The following LTBP2 variants were observed in gnomAD, a reference collection of about 807,000 sequenced individuals.
The protein encoded by LTBP2 is latent-transforming growth factor beta-binding protein 2.
In LTBP2, 103 loss-of-function variants were observed where a neutral mutation model predicts 210.6. That is an observed-to-expected ratio of 0.49 (90% CI 0.42 to 0.58). LTBP2 has a LOEUF of 0.58. Ranked by LOEUF, LTBP2 falls within the 20% of genes least tolerant of loss-of-function variation. LTBP2 has a pLI of 0.00. For missense variants in LTBP2, 2,313 were observed against 2,494.5 expected, an observed-to-expected ratio of 0.93 and a Z score of 1.55; for synonymous variants, 1,007 against 1,015.0, an observed-to-expected ratio of 0.99 and a Z score of 0.15.
chr14:74,517,198 C>T (rs1020911013), intron 17 of LTBP2, among the ~76,000 whole-genome samples: 3 of 152,114 alleles, frequency 2.0e-5, no homozygotes, highest in African/African-American at 7.2e-5. Context: ...CATGGGGATC[C>T]TTACAACTGT....
chr14:74,559,100 A>C (rs773892135), intron 3 of LTBP2, among the ~76,000 whole-genome samples: 2 of 152,240 alleles, frequency 1.3e-5, no homozygotes, highest in Admixed American at 6.5e-5. Flanking sequence ...TGCAGAAACA[A>C]GGAGGAAAAA....
At chr14:74,606,381 T>C (rs980000654) in intron 1 of LTBP2, among the ~76,000 whole-genome samples, 1 of 152,240 alleles carries the variant, frequency 6.6e-6, no homozygotes, top group African/African-American at 2.4e-5. Flanking sequence ...CAGCCAAGGC[T>C]TTGCTCCTCC....
intron 3 of LTBP2, among the ~76,000 whole-genome samples, chr14:74,564,270 TA>T (rs1296983587): frequency 1.3e-5 from 1 of 74,478 alleles, no homozygotes; most frequent in Non-Finnish European, 2.3e-5. Flanking sequence ...TATTTATATA[TA>T]TTTATATATA....
chr14:74,596,378 C>T (rs2088364535), intron 2 of LTBP2, among the ~76,000 whole-genome samples: 1 of 152,132 alleles, frequency 6.6e-6, no homozygotes, highest in Admixed American at 6.5e-5. Context: ...GCAAGAGTGG[C>T]CAGGGCAGCC....
In LTBP2 at chr14:74,555,623, G is replaced by A. The variant is rs2139752634; in HGVS notation, c.901C>T (p.His301Tyr). The A allele has an allele frequency of 1.2e-6, 2 of 1,609,152 alleles. No individual in the cohort carries two copies. Among genetic ancestry groups the A allele is most frequent in the South Asian group, 2.2e-5 (2 of 90,388 alleles). ...TGGCTACTGGCCGTGGCAGTCGGGT[G>A]AAGTCGGACAGTGCGGGACAACCCC... ...HVGLSRTVRL[H>Y]PTATASSQLS... Residue 301 changes from histidine to tyrosine, a missense_variant, in exon 4 of 36, where the codon CAC becomes TAC. Physicochemically the swap from His to Tyr is moderately conservative, Grantham distance 83 (BLOSUM62 2). Around this residue, in one of 3 missense-constraint regions of LTBP2, gnomAD observed 1,867 missense variants for 1,976.9 expected, o/e 0.94. Coordinates refer to ENST00000261978, the MANE Select transcript of LTBP2 (RefSeq NM_000428.3).
Position 74,508,622 on chromosome 14 carries a change from C to G in LTBP2, c.3634G>C (p.Gly1212Arg), listed in dbSNP as rs200532538. The change falls in exon 24 of 36, where the codon GGG becomes CGG. Residue 1212 changes from glycine (G) to arginine (R), a missense_variant. Gly to Arg is a moderately radical substitution (Grantham distance 125). Around this residue, in one of 3 missense-constraint regions of LTBP2, gnomAD observed 1,867 missense variants for 1,976.9 expected, o/e 0.94. Coordinates refer to ENST00000261978, the MANE Select transcript of LTBP2 (RefSeq NM_000428.3). ...LCAPGFVSAEGGTSCQDVDEC... is the reference protein window; with the variant it reads ...LCAPGFVSAERGTSCQDVDEC... ...TTCTCACCCTGGCAGCTGGTGCCCC[C>G]CTCTGCGCTGACGAAGCCAGGCGCG... The G allele has an allele frequency of 1.2e-5, 20 of 1,609,752 alleles. No homozygotes were observed. Among genetic ancestry groups the G allele is most frequent in the East Asian group, 2.2e-5 (1 of 44,880 alleles).
intron 3 of LTBP2, among the ~76,000 whole-genome samples, chr14:74,561,288 A>T (rs1246128070): frequency 6.6e-6 from 1 of 152,220 alleles, no homozygotes; most frequent in Non-Finnish European, 1.5e-5. Context: ...ATTGCATTCC[A>T]GCCTGGGTGA....
chr14:74,532,305 G>A, intron 10 of LTBP2, 121 bp downstream of exon 10: 1 of 1,372,904 alleles, frequency 7.3e-7, no homozygotes, highest in East Asian at 2.3e-5. Context: ...GCCGACACAG[G>A]CCCTGAGCAT....
chr14:74,528,687 C>T lies in LTBP2; in HGVS notation c.2164G>A (p.Glu722Lys). 6.2e-7 allele frequency: 1 copy of T among 1,611,962 alleles called. No homozygotes were observed. Among genetic ancestry groups the T allele is most frequent in the Non-Finnish European group, 8.5e-7 (1 of 1,180,030 alleles). ...CPLPGTEAFR[E>K]ICPAGHGYTY... is the part of the protein sequence containing the mutation. ...TAGCCGTGGCCGGCAGGGCAGATCT[C>T]TCTGAAGGCCTCTGCAAAGCCAACA... Residue 722 changes from glutamate to lysine, a missense_variant, in exon 12 of 36, where the codon GAG becomes AAG. Glu to Lys is a moderately conservative substitution (Grantham distance 56). Coordinates refer to ENST00000261978, the MANE Select transcript of LTBP2 (RefSeq NM_000428.3).
intron 13 of LTBP2, 144 bp from the exon 14 acceptor site, chr14:74,526,258 T>C: frequency 1.2e-6 from 1 of 809,102 alleles, no homozygotes; most frequent in South Asian, 1.5e-5. Context: ...GATGAGTTCT[T>C]ACTCTATGCT....
chr14:74,582,521 T>C (rs986215378), intron 3 of LTBP2, among the ~76,000 whole-genome samples: 1 of 152,020 alleles, frequency 6.6e-6, no homozygotes, highest in Non-Finnish European at 1.5e-5. Flanking sequence ...ACAGCTATCA[T>C]GTATTGAACA....
At chr14:74,552,422 C>A (rs748893025) in intron 5 of LTBP2, 29 bp from the exon 6 acceptor site, 4 of 1,593,666 alleles carry the variant, frequency 2.5e-6, no homozygotes, top group African/African-American at 2.7e-5. Context: ...AGGTAACCAG[C>A]GGTGGAAGAA....
At position 74,559,830 on chromosome 14, in the gene LTBP2, C is replaced by G. The variant is rs1246000108; in HGVS notation, c.831-4137G>C. 5.9e-5 allele frequency: 9 copies of G among 152,384 alleles called. No homozygotes were observed. The East Asian group carries it at 1.7e-3, about 29-fold the overall frequency. 9.4% of individuals were successfully genotyped at this position (152,384 alleles called of 1,614,324 possible). A position where few individuals can be genotyped will look rare whatever the true frequency, so the allele number is the denominator to read the frequency against. On this transcript the variant is annotated intron_variant, in intron 3 of 35. Transcript: ENST00000261978. ...TTTGCCCCAGGCTGGTCCAAAGAAG[C>G]AGTATCCCCCCGATTAAGGACAGTA...
intron 12 of LTBP2, 125 bp from the exon 13 acceptor site, chr14:74,527,491 A>C: frequency 2.9e-6 from 3 of 1,049,456 alleles, no homozygotes; most frequent in Non-Finnish European, 4.3e-6. Context: ...CCAGCAGCAC[A>C]GAAAGCGTGG....
chr14:74,528,537 G>T lies in LTBP2; in HGVS notation c.2314C>A (p.Pro772Thr). 6.2e-7 allele frequency: 1 copy of T among 1,612,434 alleles called. No homozygotes were observed. The highest frequency in any genetic ancestry group is 8.5e-7 in the Non-Finnish European group (1 of 1,180,018). ...GALPGPAERQPLRVVTDTWLE... is the reference protein window; with the variant it reads ...GALPGPAERQTLRVVTDTWLE... ...CAGGTGTCCGTGACGACCCGGAGGG[G>T]CTGCCTCTCTGCTGGCCCGGGCAGT... Residue 772 changes from proline to threonine, a missense_variant, in exon 12 of 36, where the codon CCC becomes ACC. Coordinates refer to ENST00000261978, the MANE Select transcript of LTBP2 (RefSeq NM_000428.3).
chr14:74,509,163 C>G (rs568160458), intron 22 of LTBP2, 75 bp downstream of exon 22: 2 of 1,607,016 alleles, frequency 1.2e-6, no homozygotes, highest in East Asian at 2.2e-5. Context: ...AGCAGCCCCC[C>G]ACCTGCTGGG....
rs1047520468 is a variant in LTBP2 at position 74,501,040 on chromosome 14, A to G, written c.5321-11T>C. 2 of 1,611,890 alleles carry G rather than the reference A, an allele frequency of 1.2e-6. No individual in the cohort carries two copies. The highest frequency in any genetic ancestry group is 2.7e-5 in the African/African-American group (2 of 74,918). On this transcript the variant is annotated splice_polypyrimidine_tract_variant and intron_variant, in intron 35 of 35. Coordinates refer to ENST00000261978, the MANE Select transcript of LTBP2 (RefSeq NM_000428.3). The stretch of plus-strand genomic sequence containing the variant: ...CACACTCATTCACATCTAAGAGGAA[A>G]CAAAGGAGAGTGCTGTAGGGAGCCC...
intron 16 of LTBP2, 100 bp downstream of exon 16, chr14:74,522,690 T>C (rs576566661): frequency 1.7e-4 from 247 of 1,420,080 alleles, no homozygotes; most frequent in Admixed American, 4.3e-4. Flanking sequence ...CCAGCACTGC[T>C]TGGACCTTCT....
rs2088608274 is a variant in LTBP2, at chr14:74,611,526, G to A, written c.419C>T (p.Pro140Leu). ...TGGGGTCCCCAGGCGTGGGAGAGCC[G>A]GCGCGGCCCGGGTCCGGGGTGCTGG... ...QQPAPRTRAAPALPRLGTPQR... is the reference protein window; with the variant it reads ...QQPAPRTRAALALPRLGTPQR... The change falls in exon 1 of 36, where the codon CCG becomes CTG. Residue 140 changes from proline (P) to leucine (L), a missense_variant. Around this residue, in one of 3 missense-constraint regions of LTBP2, gnomAD observed 1,867 missense variants for 1,976.9 expected, o/e 0.94. Transcript: ENST00000261978. 1.3e-6 allele frequency: 2 copies of A among 1,545,998 alleles called. No individual in the cohort carries two copies. The highest frequency in any genetic ancestry group is 1.2e-5 in the South Asian group (1 of 82,874).
Sources: allele counts gnomAD v4.1 joint callset (sites outside exome capture counted in the v4.1 genomes callset), GRCh38; gene constraint gnomAD v4.1.1; regional missense constraint gnomAD v4.1.1; transcripts MANE v1.5; gene names NCBI Gene and HGNC (gene_info 2026-07-23, HGNC 2026-07-21).